The following EVL variants were observed in gnomAD, a reference collection of about 807,000 sequenced individuals.
The protein encoded by EVL is Enah/Vasp-like.
Under a neutral mutation model 59.6 loss-of-function variants are expected in EVL, and 21 were observed. The ratio of observed to expected loss-of-function variants is 0.35; its 90% CI spans 0.25 to 0.51. The LOEUF (loss-of-function observed/expected upper bound fraction) is 0.51. Ranked by LOEUF, EVL falls within the 20% of genes least tolerant of loss-of-function variation. EVL has a pLI of 0.97. For missense variants in EVL, 462 were observed against 546.6 expected (o/e 0.85, Z 1.54); for synonymous variants, 198 against 203.5 (o/e 0.97, Z 0.23).
intron 3 of EVL, chr14:100,106,920 A>G (rs766429023): frequency 1.3e-5 from 5 of 398,556 alleles, no homozygotes; most frequent in Non-Finnish European, 1.8e-5. Flanking sequence ...GGATGAGAAC[A>G]TGCTCCTCTT....
intron 1 of EVL, among the ~76,000 whole-genome samples, chr14:99,993,334 AG>A (rs2060888158): frequency 6.6e-6 from 1 of 152,166 alleles, no homozygotes; most frequent in Admixed American, 6.5e-5. Context: ...CTAGGATTAC[AG>A]GCGTGAGCCA....
chr14:100,085,359 A>G (rs546525632), intron 2 of EVL, among the ~76,000 whole-genome samples: 1 of 152,314 alleles, frequency 6.6e-6, no homozygotes, highest in East Asian at 1.9e-4. Flanking sequence ...CTACATAAAT[A>G]TGAGGGAACA....
chr14:99,975,922 ACTGT>A (rs1566960182), intron 1 of EVL, among the ~76,000 whole-genome samples: 1 of 151,666 alleles, frequency 6.6e-6, no homozygotes, highest in Non-Finnish European at 1.5e-5. Context: ...TCTCCTTCTC[ACTGT>A]CTGTCTCTCT....
Position 100,128,587 on chromosome 14 carries a change from C to CCCG in EVL, c.557_558insCGC (p.Pro186_Pro187insAla). 4.1e-6 allele frequency: 6 copies of CCCG among 1,445,966 alleles called. No homozygotes were observed. Among genetic ancestry groups the CCCG allele is most frequent in the African/African-American group, 1.4e-5 (1 of 69,476 alleles). 89.6% of individuals were successfully genotyped at this position (1,445,966 alleles called of 1,614,324 possible). ...CCCCGTCTCATGTAGTGGGCCTCCA[C>CCCG]CGCCCCCCCCACCCCCAGTCCCACC... is the stretch of plus-strand genomic sequence containing the variant. On this transcript the variant is annotated inframe_insertion, in exon 6 of 14. Coordinates refer to ENST00000392920, the MANE Select transcript of EVL (RefSeq NM_016337.3).
intron 2 of EVL, among the ~76,000 whole-genome samples, chr14:100,091,317 C>T (rs1445662579): frequency 6.6e-6 from 1 of 152,212 alleles, no homozygotes; most frequent in East Asian, 1.9e-4. Flanking sequence ...ATGGGTTCCG[C>T]CCCATATCCT....
intron 13 of EVL, among the ~76,000 whole-genome samples, chr14:100,142,588 C>A (rs1889251878): frequency 6.6e-6 from 1 of 152,220 alleles, no homozygotes; most frequent in Non-Finnish European, 1.5e-5. Context: ...CAAAAGGGTC[C>A]CACAAGCGCA....
chr14:100,132,837 G>A (rs1353008579), intron 8 of EVL, 58 bp downstream of exon 8: 1 of 1,583,082 alleles, frequency 6.3e-7, no homozygotes, highest in Non-Finnish European at 8.7e-7. Context: ...GCATCGCCAG[G>A]GAGGCTCTCT....
chr14:100,059,865 A>G (rs2061793669), intron 1 of EVL, among the ~76,000 whole-genome samples: 1 of 152,236 alleles, frequency 6.6e-6, no homozygotes, highest in Non-Finnish European at 1.5e-5. Flanking sequence ...CAGACTTCAC[A>G]TCTTTAAAGA....
chr14:100,097,715 C>T (rs1348780493), intron 3 of EVL, 57 bp downstream of exon 3: 1 of 1,503,442 alleles, frequency 6.7e-7, no homozygotes, highest in East Asian at 2.3e-5. Context: ...CTACCTCTGC[C>T]CTCCCACAGC....
At chr14:100,107,371 C>T (rs1235277589) in intron 3 of EVL, 8 of 398,094 alleles carry the variant, frequency 2.0e-5, no homozygotes, top group East Asian at 7.1e-5. Flanking sequence ...TAGTCTAGGC[C>T]GGGGTAGGGC....
chr14:100,046,789 GT>G (rs1463632684), intron 1 of EVL, among the ~76,000 whole-genome samples: 1 of 125,320 alleles, frequency 8.0e-6, no homozygotes, highest in Non-Finnish European at 1.6e-5. Flanking sequence ...GTCTTGCTCT[GT>G]TGCCCAGGCT....
intron 2 of EVL, among the ~76,000 whole-genome samples, chr14:100,087,689 ATAAATTAATAGAG>A (rs944058501): frequency 2.7e-4 from 41 of 152,334 alleles, no homozygotes; most frequent in African/African-American, 9.6e-4. Context: ...TAGAAGTAGA[ATAAATTAATAGAG>A]TAAATTAATA....
rs150086559 is a variant in EVL at position 100,079,503 on chromosome 14, A to T, written c.12-5184A>T. Among the ~76,000 whole-genome samples, 580 of 152,264 alleles carry T rather than the reference A, an allele frequency of 3.8e-3. 2 individuals carry two copies. The highest frequency in any genetic ancestry group is 0.013 in the African/African-American group (557 of 41,546). ...CAGCAGATTCGGAGAGGCAGGACAA[A>T]CTGAAAAGCGCTCTGGCAGAGGGAG... On this transcript the variant is annotated intron_variant, in intron 1 of 13. Transcript: ENST00000392920.
chr14:100,104,621 C>T (rs1161290956), intron 3 of EVL, among the ~76,000 whole-genome samples: 4 of 152,140 alleles, frequency 2.6e-5, no homozygotes. Context: ...TTTATAAACC[C>T]TGCAAAGCTC....
At chr14:100,023,210 A>AT (rs34334963) in intron 1 of EVL, among the ~76,000 whole-genome samples, 84 of 135,518 alleles carry the variant, frequency 6.2e-4, no homozygotes, top group Middle Eastern at 3.7e-3. Flanking sequence ...TTTTTTTTTA[A>AT]TTTTTTTTTT....
chr14:100,020,155 G>A (rs1188284404), intron 1 of EVL, among the ~76,000 whole-genome samples: 1 of 152,122 alleles, frequency 6.6e-6, no homozygotes, highest in Non-Finnish European at 1.5e-5. Flanking sequence ...GGCTCTTCTT[G>A]TCTTCATTAT....
intron 1 of EVL, among the ~76,000 whole-genome samples, chr14:100,007,162 G>A (rs766783836): frequency 6.6e-6 from 1 of 151,946 alleles, no homozygotes; most frequent in Non-Finnish European, 1.5e-5. Context: ...GGCACAGTTT[G>A]GTTTTGTACA....
upstream of EVL, among the ~76,000 whole-genome samples, chr14:100,061,628 G>A (rs375416038): frequency 2.7e-4 from 41 of 151,918 alleles, 1 homozygote; most frequent in South Asian, 8.5e-3. Flanking sequence ...CTGGCCCCTC[G>A]AACAGTTGAA....
At chr14:100,102,937 A>C (rs1439438056) in intron 3 of EVL, among the ~76,000 whole-genome samples, 2 of 152,128 alleles carry the variant, frequency 1.3e-5, no homozygotes, top group African/African-American at 4.8e-5. Context: ...CTCTACTAAA[A>C]GAAAAAATAC....
Sources: allele counts gnomAD v4.1 joint callset (sites outside exome capture counted in the v4.1 genomes callset), GRCh38; gene constraint gnomAD v4.1.1; transcripts MANE v1.5; gene names NCBI Gene and HGNC (gene_info 2026-07-23, HGNC 2026-07-21).